Variants in SGK3 observed in about 807,000 individuals in gnomAD.
SGK3 encodes serine/threonine-protein kinase Sgk3.
A neutral mutation model predicts 68.5 loss-of-function variants in SGK3; 47 were observed. The ratio of observed to expected loss-of-function variants is 0.69; its 90% CI spans 0.54 to 0.87. SGK3 has a LOEUF of 0.87. Ranked by LOEUF, SGK3 falls within the 40% of genes least tolerant of loss-of-function variation. SGK3 has a pLI of 0.00. For missense variants in SGK3, 479 were observed against 575.5 expected, an observed-to-expected ratio of 0.83 and a Z score of 1.72; for synonymous variants, 181 against 189.1, an observed-to-expected ratio of 0.96 and a Z score of 0.35.
chr8:66,837,716 T>G (rs1345343240), intron 10 of SGK3, among the ~76,000 whole-genome samples: 1 of 152,012 alleles, frequency 6.6e-6, no homozygotes, highest in Non-Finnish European at 1.5e-5. Context: ...CCCAGGAGGT[T>G]GCGGCTGCAA....
chr8:66,829,007 CAGT>C (rs1258565594), intron 7 of SGK3, among the ~76,000 whole-genome samples: 1 of 147,558 alleles, frequency 6.8e-6, no homozygotes, highest in Non-Finnish European at 1.5e-5. Context: ...TGTCTAAAAT[CAGT>C]AGACCATATT....
chr8:66,832,126 A>C (rs1809326987), intron 8 of SGK3, among the ~76,000 whole-genome samples: 1 of 152,174 alleles, frequency 6.6e-6, no homozygotes, highest in Non-Finnish European at 1.5e-5. Context: ...CAGCTGTGTA[A>C]ATAACAGTTT....
In SGK3 at chr8:66,755,840, C is replaced by T. The variant is rs556522144; in HGVS notation, c.-121-37776C>T. On this transcript the variant is annotated intron_variant, in intron 1 of 16. Coordinates refer to ENST00000521198, the MANE Select transcript of SGK3 (RefSeq NM_001033578.3). ...GTATTAACAGGGTAAGTGTAGGCTC[C>T]TATGTGAGTATAACAGGGACCTTCA... 4.6e-5 allele frequency among the ~76,000 whole-genome samples: 7 copies of T among 152,192 alleles called. No homozygotes were observed. In the South Asian group the frequency reaches 1.2e-3, roughly 27 times the overall value.
chr8:66,799,082 C>T (rs907305189), intron 3 of SGK3, among the ~76,000 whole-genome samples: 1 of 152,190 alleles, frequency 6.6e-6, no homozygotes, highest in East Asian at 1.9e-4. Context: ...TGAGTGTTGA[C>T]TTTTAGAGTT....
chr8:66,784,966 C>T (rs1032428161), intron 1 of SGK3, among the ~76,000 whole-genome samples: 4 of 152,090 alleles, frequency 2.6e-5, no homozygotes, highest in Admixed American at 1.3e-4. Context: ...TGGTTGTCAT[C>T]GTGATGGGGC....
At chr8:66,804,709 G>A (rs371021824) in intron 4 of SGK3, among the ~76,000 whole-genome samples, 10 of 152,198 alleles carry the variant, frequency 6.6e-5, no homozygotes, top group East Asian at 3.8e-4. Context: ...TAAAACACAG[G>A]TTCATTAATT....
intron 1 of SGK3, among the ~76,000 whole-genome samples, chr8:66,774,848 G>C (rs931871394): frequency 6.6e-6 from 1 of 151,956 alleles, no homozygotes; most frequent in East Asian, 1.9e-4. Context: ...TACCCCGCCC[G>C]AGGAAAATGA....
chr8:66,773,378 T>C (rs1268403042), intron 1 of SGK3, among the ~76,000 whole-genome samples: 1 of 152,152 alleles, frequency 6.6e-6, no homozygotes, highest in Non-Finnish European at 1.5e-5. Flanking sequence ...GGTTTTGAGT[T>C]AGGGCAAGAA....
At chr8:66,735,369 A>T (rs553876311) in intron 1 of SGK3, among the ~76,000 whole-genome samples, 9 of 152,248 alleles carry the variant, frequency 5.9e-5, no homozygotes, top group Admixed American at 5.2e-4. Context: ...TATCAGGCGT[A>T]TAGCTCTCTT....
At chr8:66,771,198 A>G (rs1371036257) in intron 1 of SGK3, among the ~76,000 whole-genome samples, 1 of 152,136 alleles carries the variant, frequency 6.6e-6, no homozygotes, top group Admixed American at 6.5e-5. Context: ...GTCTATTACC[A>G]ATAGCCTCTG....
intron 12 of SGK3, among the ~76,000 whole-genome samples, 157 bp downstream of exon 12, chr8:66,840,404 T>C (rs956351432): frequency 2.0e-5 from 3 of 152,164 alleles, no homozygotes; most frequent in Non-Finnish European, 4.4e-5. Context: ...AGATTAGTGG[T>C]TGACAGGGTC....
At chr8:66,755,950 G>A (rs1585672714) in intron 1 of SGK3, among the ~76,000 whole-genome samples, 1 of 152,124 alleles carries the variant, frequency 6.6e-6, no homozygotes, top group East Asian at 1.9e-4. Flanking sequence ...TAGCCAAAGT[G>A]TGATAGCCTG....
At chr8:66,824,346 A>G (rs935145813) in intron 6 of SGK3, among the ~76,000 whole-genome samples, 12 of 152,314 alleles carry the variant, frequency 7.9e-5, no homozygotes, top group Admixed American at 7.2e-4. Context: ...CATAGTAGAT[A>G]AAAGGAAATG....
intron 1 of SGK3, among the ~76,000 whole-genome samples, chr8:66,788,418 A>G (rs1036658938): frequency 4.6e-5 from 7 of 152,232 alleles, no homozygotes; most frequent in Non-Finnish European, 8.8e-5. Context: ...ATTGCTGGCA[A>G]ACCCTAAGGG....
At chr8:66,796,050 G>C (rs1417532446) in intron 2 of SGK3, among the ~76,000 whole-genome samples, 1 of 152,080 alleles carries the variant, frequency 6.6e-6, no homozygotes, top group Non-Finnish European at 1.5e-5. Flanking sequence ...CAAGAAATTT[G>C]ATTCTGTCAG....
intron 1 of SGK3, among the ~76,000 whole-genome samples, chr8:66,772,983 G>A (rs1462401880): frequency 2.0e-5 from 3 of 152,152 alleles, no homozygotes; most frequent in Admixed American, 6.5e-5. Context: ...TAACGTGAGT[G>A]GTGCAGATCC....
chr8:66,821,678 ATTTTTTTTTT>A (rs59399048), intron 5 of SGK3, among the ~76,000 whole-genome samples: 1 of 108,586 alleles, frequency 9.2e-6, no homozygotes, highest in Admixed American at 1.1e-4. Flanking sequence ...ACGCCCGGCT[ATTTTTTTTTT>A]TTTTTTTTTT....
At chr8:66,821,678 A>ATTTTTTTTTTTTTTTTTTTT in intron 5 of SGK3, among the ~76,000 whole-genome samples, 1 of 108,586 alleles carries the variant, frequency 9.2e-6, no homozygotes, top group Non-Finnish European at 1.8e-5. Flanking sequence ...ACGCCCGGCT[A>ATTTTTTTTTTTTTTTTTTTT]TTTTTTTTTT....
intron 1 of SGK3, among the ~76,000 whole-genome samples, chr8:66,776,300 G>T (rs1479125475): frequency 6.6e-6 from 1 of 152,190 alleles, no homozygotes; most frequent in Non-Finnish European, 1.5e-5. Context: ...AAGAGGCAGC[G>T]CCTTTAAGGT....
Sources: gnomAD v4.1 joint callset for allele counts (sites outside exome capture counted in the v4.1 genomes callset) on GRCh38, gnomAD v4.1.1 for gene constraint, MANE v1.5 for transcripts, NCBI Gene and HGNC (gene_info 2026-07-23, HGNC 2026-07-21) for gene names.